Variants in ERC2 observed in about 807,000 individuals in gnomAD.
ERC2 encodes the protein ELKS/RAB6-interacting/CAST family member 2.
Under a neutral mutation model 114.8 loss-of-function variants are expected in ERC2, and 42 were observed. The observed-to-expected ratio is 0.37, with a 90% CI of 0.29 to 0.47. The LOEUF (loss-of-function observed/expected upper bound fraction) is 0.47, where lower values mean the gene tolerates loss of function less well. Ranked by LOEUF, ERC2 falls within the 20% of genes least tolerant of loss-of-function variation. ERC2 has a pLI of 0.99. For missense variants in ERC2, 939 were observed against 1,150.7 expected, an observed-to-expected ratio of 0.82 and a Z score of 2.66; for synonymous variants, 454 against 425.5, an observed-to-expected ratio of 1.07 and a Z score of -0.82.
At chr3:55,830,686 A>G (rs1007491075) in intron 14 of ERC2, among the ~76,000 whole-genome samples, 1 of 152,198 alleles carries the variant, frequency 6.6e-6, no homozygotes, top group Non-Finnish European at 1.5e-5. Context: ...ACTCACACCT[A>G]TAATCCCAGA....
chr3:56,187,951 C>A (rs2083727867), intron 3 of ERC2, among the ~76,000 whole-genome samples: 1 of 152,140 alleles, frequency 6.6e-6, no homozygotes, highest in Admixed American at 6.5e-5. Context: ...GACACTCAAA[C>A]CAAGACCTGA....
At position 55,756,796 on chromosome 3, in the gene ERC2, C is replaced by T. The variant is rs191308049; in HGVS notation, c.2565-21878G>A. 5.9e-5 allele frequency among the ~76,000 whole-genome samples: 9 copies of T among 152,186 alleles called. No individual in the cohort carries two copies. In the East Asian group the frequency reaches 1.7e-3, roughly 29 times the overall value. On this transcript the variant is annotated intron_variant, in intron 14 of 17. Coordinates refer to ENST00000288221, the MANE Select transcript of ERC2 (RefSeq NM_015576.3). The stretch of plus-strand genomic sequence containing the variant: ...ACCTCCTTAAATCTTTCTCGCCTAC[C>T]ACCCCATCCCCTTCCTCTGTACCCA...
intron 13 of ERC2, among the ~76,000 whole-genome samples, chr3:55,936,680 G>C (rs1170066365): frequency 6.6e-6 from 1 of 152,164 alleles, no homozygotes; most frequent in Admixed American, 6.5e-5. Context: ...TTGGAGACTG[G>C]AGTGCTGGAG....
chr3:55,761,522 A>G lies in ERC2; in HGVS notation c.2565-26604T>C, dbSNP rs994230995. ...CTTGACTCCGCTGTTGTAGCGTGAAAGCAGCCATGACAGCACATAAACAAA... is the reference window on the plus strand; with the variant it reads ...CTTGACTCCGCTGTTGTAGCGTGAAGGCAGCCATGACAGCACATAAACAAA... On this transcript the variant is annotated intron_variant, in intron 14 of 17. Transcript: ENST00000288221. Among the ~76,000 whole-genome samples the G allele has an allele frequency of 3.3e-5, 5 of 152,260 alleles. No homozygotes were observed. The East Asian group carries it at 7.7e-4, about 24-fold the overall frequency.
At chr3:55,863,913 C>T (rs1248473152) in intron 14 of ERC2, among the ~76,000 whole-genome samples, 1 of 151,358 alleles carries the variant, frequency 6.6e-6, no homozygotes, top group African/African-American at 2.4e-5. Context: ...ACATATGGCT[C>T]ATGGCTACAG....
chr3:56,422,287 T>G (rs984350236), intron 2 of ERC2, among the ~76,000 whole-genome samples: 1 of 152,168 alleles, frequency 6.6e-6, no homozygotes, highest in African/African-American at 2.4e-5. Flanking sequence ...CTCTTGTAGA[T>G]TCAGGGAATT....
chr3:56,452,312 G>C lies in ERC2; in HGVS notation c.-141+15936C>G, dbSNP rs571418941. Among the ~76,000 whole-genome samples the C allele has an allele frequency of 5.2e-4, 79 of 152,318 alleles. 1 individual carries two copies. In the South Asian group the frequency reaches 0.016, roughly 30 times the overall value. On this transcript the variant is annotated intron_variant, in intron 1 of 17. Coordinates refer to ENST00000288221, the MANE Select transcript of ERC2 (RefSeq NM_015576.3). ...AAAGAATGAAAGTTTCACAGAAGTT[G>C]ACTATGATGAATATGGTGGGAAAAT...
intron 1 of ERC2, among the ~76,000 whole-genome samples, chr3:56,443,107 T>C (rs2062393605): frequency 6.6e-6 from 1 of 152,224 alleles, no homozygotes; most frequent in Non-Finnish European, 1.5e-5. Context: ...AATATAATTC[T>C]GTATTTATTT....
chr3:55,590,037 A>G (rs953524078), intron 17 of ERC2, among the ~76,000 whole-genome samples: 5 of 152,240 alleles, frequency 3.3e-5, no homozygotes, highest in African/African-American at 1.2e-4. Flanking sequence ...ATATTCTTTT[A>G]TAAAAAACTA....
intron 3 of ERC2, among the ~76,000 whole-genome samples, chr3:56,187,669 C>A (rs1419122256): frequency 6.6e-6 from 1 of 152,084 alleles, no homozygotes; most frequent in Non-Finnish European, 1.5e-5. Context: ...TTATAGACAG[C>A]AGTCAGAAAT....
chr3:55,750,104 C>T (rs191792464), intron 14 of ERC2, among the ~76,000 whole-genome samples: 146 of 152,014 alleles, frequency 9.6e-4, no homozygotes, highest in Non-Finnish European at 1.5e-3. Context: ...TACGATGCTA[C>T]GTGTTATGAA....
chr3:55,760,126 AC>A (rs1355419488), intron 14 of ERC2, among the ~76,000 whole-genome samples: 1 of 152,210 alleles, frequency 6.6e-6, no homozygotes, highest in African/African-American at 2.4e-5. Context: ...AGGCAAATTC[AC>A]AGCACGGACA....
intron 17 of ERC2, among the ~76,000 whole-genome samples, chr3:55,520,046 C>G (rs532979491): frequency 8.6e-6 from 1 of 116,746 alleles, no homozygotes; most frequent in Non-Finnish European, 1.7e-5. Context: ...TAGAGTGAGA[C>G]CCAGTCTCCA....
chr3:56,273,713 G>A (rs540819598), intron 3 of ERC2, among the ~76,000 whole-genome samples: 1 of 152,238 alleles, frequency 6.6e-6, no homozygotes, highest in South Asian at 2.1e-4. Flanking sequence ...TAGCAGGGCT[G>A]CCACTAGCCC....
chr3:55,552,420 C>T (rs1451945309), intron 17 of ERC2, among the ~76,000 whole-genome samples: 2 of 152,168 alleles, frequency 1.3e-5, no homozygotes, highest in Non-Finnish European at 2.9e-5. Context: ...TTCCCTTCTT[C>T]CTCCCCCTCA....
chr3:55,806,726 A>T (rs1354724801), intron 14 of ERC2, among the ~76,000 whole-genome samples: 1 of 152,184 alleles, frequency 6.6e-6, no homozygotes, highest in Admixed American at 6.5e-5. Context: ...AATAGTGGCA[A>T]GGCTGAGAAA....
chr3:55,831,439 A>G (rs1575755085), intron 14 of ERC2, among the ~76,000 whole-genome samples: 1 of 92,116 alleles, frequency 1.1e-5, no homozygotes, highest in South Asian at 5.8e-4. Context: ...GAAGGGAGGG[A>G]AGGGGAGGGG....
intron 1 of ERC2, among the ~76,000 whole-genome samples, chr3:56,450,810 G>A (rs1199469729): frequency 6.6e-6 from 1 of 152,094 alleles, no homozygotes; most frequent in Non-Finnish European, 1.5e-5. Context: ...CAGCCTGGGT[G>A]ACACAGAGAG....
intron 7 of ERC2, among the ~76,000 whole-genome samples, chr3:56,064,601 C>T (rs893072626): frequency 6.6e-6 from 1 of 152,194 alleles, no homozygotes; most frequent in Admixed American, 6.5e-5. Context: ...TGGGAACGAA[C>T]GACTTACTTC....
Sources: allele counts gnomAD v4.1 joint callset (sites outside exome capture counted in the v4.1 genomes callset), GRCh38; gene constraint gnomAD v4.1.1; transcripts MANE v1.5; gene names NCBI Gene and HGNC (gene_info 2026-07-23, HGNC 2026-07-21).